LIFR: variants seen among roughly 807,000 people sequenced by gnomAD.
The protein encoded by LIFR is LIF receptor subunit alpha, also known as leukemia inhibitory factor receptor.
LIFR carries 84 observed loss-of-function variants against 122.2 expected under a neutral mutation model. The ratio of observed to expected loss-of-function variants is 0.69; its 90% CI spans 0.58 to 0.82. The LOEUF is 0.82. Among genes scored for constraint, LIFR ranks in the 40% least tolerant of loss-of-function variants. LIFR has a pLI of 0.00. For synonymous variants in LIFR, 422 were observed against 434.7 expected (o/e 0.97, Z 0.36); for missense variants, 1,294 against 1,311.6 (o/e 0.99, Z 0.21).
chr5:38,529,759 G>A (rs184968817), intron 2 of LIFR, among the ~76,000 whole-genome samples: 18 of 152,216 alleles, frequency 1.2e-4, no homozygotes, highest in Non-Finnish European at 1.9e-4. Flanking sequence ...TTTTGTTTTT[G>A]TACATGGTTG....
intron 11 of LIFR, among the ~76,000 whole-genome samples, chr5:38,500,783 CCCCATGTGCGTGGTG>C: frequency 6.6e-6 from 1 of 152,300 alleles, no homozygotes; most frequent in Admixed American, 6.5e-5. Context: ...GACCAATAAT[CCCCATGTGCGTGGTG>C]CCCTCCCACA....
chr5:38,595,239 G>C (rs541407917), intron 1 of LIFR: 2 of 157,826 alleles, frequency 1.3e-5, no homozygotes, highest in African/African-American at 4.8e-5. Flanking sequence ...AAGGAAGGAA[G>C]CAAACCCCAG....
chr5:38,545,645 G>A (rs1277439285), intron 1 of LIFR, among the ~76,000 whole-genome samples: 2 of 151,894 alleles, frequency 1.3e-5, no homozygotes, highest in Admixed American at 1.3e-4. Flanking sequence ...GGCGGATCAC[G>A]AGGTCAGGAA....
At chr5:38,499,993 C>A (rs1407983463) in intron 11 of LIFR, among the ~76,000 whole-genome samples, 2 of 152,158 alleles carry the variant, frequency 1.3e-5, no homozygotes, top group African/African-American at 4.8e-5. Flanking sequence ...GGCATGCTTC[C>A]TGATCTTTGT....
rs1746957142 is a variant in LIFR, at chr5:38,530,654, A to G, written c.-7T>C. On this transcript the variant is annotated 5_prime_UTR_variant, in exon 2 of 20. Coordinates refer to ENST00000453190, the MANE Select transcript of LIFR (RefSeq NM_001127671.2). ...ATACGTAAATATCCATCATCTGTGC[A>G]ATGCAGTCAGTCCTAGGTTAGGAGA... 2.5e-6 allele frequency: 4 copies of G among 1,613,680 alleles called. No individual in the cohort carries two copies. Among genetic ancestry groups the G allele is most frequent in the Non-Finnish European group, 3.4e-6 (4 of 1,179,724 alleles).
intron 4 of LIFR, among the ~76,000 whole-genome samples, chr5:38,524,339 A>C (rs997291414): frequency 6.6e-6 from 1 of 152,182 alleles, no homozygotes; most frequent in Admixed American, 6.5e-5. Context: ...AGCAGGATAT[A>C]AGAAGTGTGT....
At chr5:38,499,183 G>T in intron 12 of LIFR, among the ~76,000 whole-genome samples, 1 of 152,092 alleles carries the variant, frequency 6.6e-6, no homozygotes, top group African/African-American at 2.4e-5. Flanking sequence ...CCTATTAATA[G>T]AAAAAAATAT....
Position 38,485,821 on chromosome 5 carries a change from T to C in LIFR, c.2495A>G (p.Asn832Ser). 10 of 1,614,032 alleles carry C rather than the reference T, an allele frequency of 6.2e-6. No individual in the cohort carries two copies. Among genetic ancestry groups the C allele is most frequent in the Non-Finnish European group, 8.5e-6 (10 of 1,179,960 alleles). Residue 832 changes from asparagine (N) to serine (S), a missense_variant and splice_region_variant, in exon 17 of 20, where the codon AAT becomes AGT. Transcript: ENST00000453190. ...EKSMYVVTKE[N>S]SVGLIIAILI... Reference sequence around the variant, plus strand: ...CTCAACAGCAACCTGAAACTTACAATTTTCCTTTGTCACCACATACATACT... The same window carrying C: ...CTCAACAGCAACCTGAAACTTACAACTTTCCTTTGTCACCACATACATACT...
At chr5:38,503,201 T>C (rs1453835360) in intron 10 of LIFR, among the ~76,000 whole-genome samples, 1 of 152,174 alleles carries the variant, frequency 6.6e-6, no homozygotes, top group African/African-American at 2.4e-5. Context: ...ATGTATTATT[T>C]GGATGATATT....
At chr5:38,556,151 G>A (rs938513263) in intron 1 of LIFR, among the ~76,000 whole-genome samples, 183 bp downstream of exon 1, 4 of 152,110 alleles carry the variant, frequency 2.6e-5, no homozygotes, top group Admixed American at 6.5e-5. Context: ...AGGACACGAG[G>A]GTGACCCAAG....
At position 38,582,194 on chromosome 5, in the gene LIFR, C is replaced by T. The variant is rs780904704; in HGVS notation, c.-20+13067G>A. The stretch of plus-strand genomic sequence containing the variant: ...CTGCTCCTCAGCCTCCCAAGTAGCA[C>T]GTGACACCATGCCTGGCTACAGCCT... On this transcript the variant is annotated intron_variant, in intron 1 of 19. Coordinates refer to the LIFR transcript ENST00000263409. 3.8e-4 allele frequency among the ~76,000 whole-genome samples: 58 copies of T among 152,074 alleles called. 1 individual carries two copies. Among genetic ancestry groups the T allele is most frequent in the Admixed American group, 2.4e-3 (36 of 15,232 alleles).
rs1745071644 is a variant in LIFR, at chr5:38,499,600, A to G, written c.1601-17T>C. The G allele has an allele frequency of 6.4e-7, 1 of 1,555,750 alleles. No individual in the cohort carries two copies. Among genetic ancestry groups the G allele is most frequent in the South Asian group, 1.1e-5 (1 of 89,940 alleles). On this transcript the variant is annotated splice_polypyrimidine_tract_variant and intron_variant, in intron 11 of 19. Transcript: ENST00000453190. ...TTGAAGGACCTAAAAAGGAGATTTT[A>G]AAGTTAATATCTGAAGACACATACT...
intron 5 of LIFR, among the ~76,000 whole-genome samples, chr5:38,514,224 G>A (rs1745956626): frequency 6.6e-6 from 1 of 152,076 alleles, no homozygotes; most frequent in Admixed American, 6.6e-5. Context: ...AAAAAAAGGA[G>A]AAGACAGAGA....
chr5:38,545,366 ATGTGTGTGTG>A, intron 1 of LIFR, among the ~76,000 whole-genome samples: 1 of 149,238 alleles, frequency 6.7e-6, no homozygotes, highest in Non-Finnish European at 1.5e-5. Context: ...GTGTGTGTGT[ATGTGTGTGTG>A]TGTATACACA....
chr5:38,552,395 A>G (rs1190144504), intron 1 of LIFR, among the ~76,000 whole-genome samples: 1 of 152,210 alleles, frequency 6.6e-6, no homozygotes, highest in East Asian at 1.9e-4. Context: ...GAAATGCCAC[A>G]AATTATTGAT....
chr5:38,573,931 A>G (rs1220546818), intron 1 of LIFR, among the ~76,000 whole-genome samples: 1 of 152,094 alleles, frequency 6.6e-6, no homozygotes, highest in Non-Finnish European at 1.5e-5. Flanking sequence ...CCTGGCCAAC[A>G]TGGTGAAACC....
chr5:38,598,211 CTTTTTTTTT>C (rs869193908), upstream of LIFR, among the ~76,000 whole-genome samples: 4 of 62,236 alleles, frequency 6.4e-5, no homozygotes, highest in African/African-American at 2.5e-4. Flanking sequence ...TAAGGCACCT[CTTTTTTTTT>C]TTTTTTTTTT....
intron 5 of LIFR, among the ~76,000 whole-genome samples, chr5:38,512,650 A>T: frequency 6.6e-6 from 1 of 151,924 alleles, no homozygotes; most frequent in East Asian, 1.9e-4. Flanking sequence ...AAAACAACAA[A>T]AAATAAATAA....
chr5:38,587,034 A>G (rs554021625), intron 1 of LIFR, among the ~76,000 whole-genome samples: 2 of 152,270 alleles, frequency 1.3e-5, no homozygotes, highest in African/African-American at 2.4e-5. Flanking sequence ...TCACCAGTCT[A>G]TAAGGTAGAC....
Sources: allele counts gnomAD v4.1 joint callset (sites outside exome capture counted in the v4.1 genomes callset), GRCh38; gene constraint gnomAD v4.1.1; transcripts MANE v1.5; gene names NCBI Gene and HGNC (gene_info 2026-07-23, HGNC 2026-07-21).